The following PARD3 variants were observed in gnomAD, a reference collection of about 807,000 sequenced individuals.
The protein encoded by PARD3 is partitioning defective 3 homolog.
A neutral mutation model predicts 155.4 loss-of-function variants in PARD3; 75 were observed. That is an observed-to-expected ratio of 0.48 (90% CI 0.40 to 0.58). The LOEUF is 0.58. PARD3 is among the 20% of genes least tolerant of loss of function. The probability of loss-of-function intolerance (pLI) is 0.00; values close to 1 mark genes in which losing one functional copy is unlikely to be tolerated. For synonymous variants in PARD3, 576 were observed against 610.5 expected, an observed-to-expected ratio of 0.94 and a Z score of 0.83; for missense variants, 1,642 against 1,721.7, an observed-to-expected ratio of 0.95 and a Z score of 0.82.
At chr10:34,542,234 T>TGTGTGTGCGCAC (rs143582528) in intron 2 of PARD3, among the ~76,000 whole-genome samples, 20 of 146,300 alleles carry the variant, frequency 1.4e-4, no homozygotes, top group Admixed American at 4.1e-4. Flanking sequence ...TGTGTGTGTG[T>TGTGTGTGCGCAC]GTGTGCACAC....
chr10:34,569,173 A>G (rs894514214), intron 2 of PARD3, among the ~76,000 whole-genome samples: 2 of 152,200 alleles, frequency 1.3e-5, no homozygotes, highest in Admixed American at 1.3e-4. Flanking sequence ...CATGAGAAAA[A>G]TTGTATTGCA....
intron 2 of PARD3, among the ~76,000 whole-genome samples, chr10:34,537,991 C>T (rs2133856504): frequency 6.6e-6 from 1 of 152,216 alleles, no homozygotes; most frequent in African/African-American, 2.4e-5. Context: ...AGGCAAGTGG[C>T]AAATGACAAG....
chr10:34,303,092 C>A (rs1271712727), intron 20 of PARD3, among the ~76,000 whole-genome samples: 1 of 151,554 alleles, frequency 6.6e-6, no homozygotes, highest in Non-Finnish European at 1.5e-5. Flanking sequence ...AATCCACCTG[C>A]CCATCATTAG....
At chr10:34,337,491 G>T in intron 16 of PARD3, 65 bp from the exon 17 acceptor site, 1 of 999,590 alleles carries the variant, frequency 1.0e-6, no homozygotes, top group South Asian at 2.2e-5. Context: ...ATTTTAGGGA[G>T]GTTCATACAT....
At chr10:34,678,248 A>T (rs962493751) in intron 2 of PARD3, among the ~76,000 whole-genome samples, 4 of 151,744 alleles carry the variant, frequency 2.6e-5, no homozygotes, top group African/African-American at 9.7e-5. Context: ...CTATTTTTGT[A>T]TTTTTTGTAG....
intron 22 of PARD3, among the ~76,000 whole-genome samples, chr10:34,199,062 G>A (rs1211489326): frequency 6.6e-6 from 1 of 152,156 alleles, no homozygotes; most frequent in African/African-American, 2.4e-5. Flanking sequence ...GAATGGGACT[G>A]AATTAAGAAG....
rs377165235 is a variant in PARD3 at position 34,769,791 on chromosome 10, C to A, written c.120+45085G>T. ...AAAAACAAACAAACAAACAAACGAACAAAAAAACAAAACAAAAAAAAAAAC... is the reference window on the plus strand; with the variant it reads ...AAAAACAAACAAACAAACAAACGAAAAAAAAAACAAAACAAAAAAAAAAAC... On this transcript the variant is annotated intron_variant, in intron 1 of 24. Coordinates refer to ENST00000374788, the MANE Select transcript of PARD3 (RefSeq NM_001184785.2). Among the ~76,000 whole-genome samples, 58 of 27,718 alleles carry A rather than the reference C, an allele frequency of 2.1e-3. 2 individuals are homozygous for A. Among genetic ancestry groups the A allele is most frequent in the Middle Eastern group, 0.038 (2 of 52 alleles). 18.2% of individuals were successfully genotyped at this position (27,718 alleles called of 152,430 possible).
chr10:34,424,028 C>T (rs1011662342), intron 5 of PARD3, among the ~76,000 whole-genome samples: 1 of 152,078 alleles, frequency 6.6e-6, no homozygotes, highest in South Asian at 2.1e-4. Flanking sequence ...GAAGATTAAC[C>T]CTTAAATTCC....
At chr10:34,695,211 T>A in intron 2 of PARD3, among the ~76,000 whole-genome samples, 1 of 152,160 alleles carries the variant, frequency 6.6e-6, no homozygotes, top group Admixed American at 6.5e-5. Context: ...GTGTGGTGGC[T>A]CACATCTGTA....
chr10:34,616,871 G>A (rs924752540), intron 2 of PARD3, among the ~76,000 whole-genome samples: 2 of 150,476 alleles, frequency 1.3e-5, no homozygotes, highest in African/African-American at 4.9e-5. Context: ...GGAGGTGGAG[G>A]CTGCAATGAA....
At chr10:34,168,354 A>G (rs781527223) in intron 22 of PARD3, among the ~76,000 whole-genome samples, 1 of 152,234 alleles carries the variant, frequency 6.6e-6, no homozygotes, top group Non-Finnish European at 1.5e-5. Context: ...AAATTATCTT[A>G]GTATAAAACA....
Position 34,317,294 on chromosome 10 carries a change from C to T in PARD3, c.2878G>A (p.Val960Ile). ...GAAGGCTGATCACTGGCTGTGGATACAGACTCTCTCCCTGATCTTGAACTT... is the reference window on the plus strand; with the variant it reads ...GAAGGCTGATCACTGGCTGTGGATATAGACTCTCTCCCTGATCTTGAACTT... ...EESSRSGRES[V>I]STASDQPSHS... The change falls in exon 20 of 25, where the codon GTA becomes ATA. Residue 960 changes from valine to isoleucine, a missense_variant. By Grantham distance (29) the Val-to-Ile change is conservative. Around this residue, in one of 3 missense-constraint regions of PARD3, gnomAD observed 1,529 missense variants for 1,587.3 expected, o/e 0.96. Coordinates refer to ENST00000374788, the MANE Select transcript of PARD3 (RefSeq NM_001184785.2). The T allele has an allele frequency of 6.2e-7, 1 of 1,613,206 alleles. No individual in the cohort carries two copies. Among genetic ancestry groups the T allele is most frequent in the African/African-American group, 1.3e-5 (1 of 74,988 alleles).
chr10:34,768,360 G>GAAGCAAAGGCGGGACAACTCA (rs1838390323), intron 1 of PARD3, among the ~76,000 whole-genome samples: 1 of 131,574 alleles, frequency 7.6e-6, no homozygotes. Flanking sequence ...GGGATAACTC[G>GAAGCAAAGGCGGGACAACTCA]AAGCAAAGGC....
intron 1 of PARD3, among the ~76,000 whole-genome samples, chr10:34,797,275 C>G (rs4331033): frequency 0.33 from 50,120 of 151,746 alleles, 8,830 homozygotes; most frequent in African/African-American, 0.47. Context: ...CTCAGCCTCC[C>G]GAGTAGCTGA....
chr10:34,593,215 G>T (rs1476986415), intron 2 of PARD3, among the ~76,000 whole-genome samples: 1 of 152,198 alleles, frequency 6.6e-6, no homozygotes, highest in Non-Finnish European at 1.5e-5. Context: ...GGCACATAGT[G>T]TAAGTAATCA....
intron 2 of PARD3, among the ~76,000 whole-genome samples, chr10:34,549,694 C>T (rs1008469509): frequency 2.0e-5 from 3 of 151,982 alleles, no homozygotes; most frequent in Non-Finnish European, 2.9e-5. Flanking sequence ...AGGGGTTTTG[C>T]CACTATTTTT....
intron 22 of PARD3, among the ~76,000 whole-genome samples, chr10:34,175,968 G>A (rs1300747388): frequency 6.6e-6 from 1 of 152,180 alleles, no homozygotes; most frequent in African/African-American, 2.4e-5. Flanking sequence ...GGTGACTTCA[G>A]TCACTCAGCA....
intron 19 of PARD3, among the ~76,000 whole-genome samples, chr10:34,323,623 CACTCTT>C (rs1457483775): frequency 6.6e-6 from 1 of 152,186 alleles, no homozygotes; most frequent in Non-Finnish European, 1.5e-5. Context: ...ACAATAGGAT[CACTCTT>C]TTAAAGAGTT....
intron 23 of PARD3, among the ~76,000 whole-genome samples, chr10:34,125,719 G>A (rs928463677): frequency 2.0e-5 from 3 of 152,206 alleles, no homozygotes; most frequent in African/African-American, 7.2e-5. Context: ...ATGACGGACA[G>A]CTAGGAAACA....
Sources: gnomAD v4.1 joint callset for allele counts (sites outside exome capture counted in the v4.1 genomes callset) on GRCh38, gnomAD v4.1.1 for gene constraint, gnomAD v4.1.1 regional missense constraint, MANE v1.5 for transcripts, NCBI Gene and HGNC (gene_info 2026-07-23, HGNC 2026-07-21) for gene names.